CSMD3: variants seen among roughly 807,000 people sequenced by gnomAD.
The protein encoded by CSMD3 is CUB and sushi domain-containing protein 3.
In CSMD3, 177 loss-of-function variants were observed where a neutral mutation model predicts 435.2. The observed-to-expected ratio is 0.41, with a 90% CI of 0.36 to 0.46. CSMD3 has a LOEUF of 0.46. CSMD3 is among the 20% of genes least tolerant of loss of function. The pLI is 0.34. For missense variants in CSMD3, 4,265 were observed against 4,504.6 expected (o/e 0.95, Z 1.52); for synonymous variants, 1,656 against 1,520.5 (o/e 1.09, Z -2.07).
chr8:113,348,247 A>G (rs2094165103), intron 1 of CSMD3, among the ~76,000 whole-genome samples: 1 of 152,118 alleles, frequency 6.6e-6, no homozygotes, highest in South Asian at 2.1e-4. Context: ...TTTGACATGC[A>G]TTGTCTTCAT....
In CSMD3 at chr8:112,998,858, C is replaced by T. The variant is rs112466121; in HGVS notation, c.1030+20209G>A. Among the ~76,000 whole-genome samples, 1,256 of 152,012 alleles carry T rather than the reference C, an allele frequency of 8.3e-3. 30 individuals carry two copies. The highest frequency in any genetic ancestry group is 0.029 in the African/African-American group (1,189 of 41,502). On this transcript the variant is annotated intron_variant, in intron 6 of 70. Transcript: ENST00000297405. Reference sequence around the variant, plus strand: ...TATAGCACCTCCCCACTCTCTTTTTCTCCTGCTCTGGCCATGTAAGACACT... The same window carrying T: ...TATAGCACCTCCCCACTCTCTTTTTTTCCTGCTCTGGCCATGTAAGACACT...
intron 1 of CSMD3, among the ~76,000 whole-genome samples, chr8:113,426,659 G>A (rs1048669561): frequency 6.6e-6 from 1 of 151,348 alleles, no homozygotes; most frequent in Non-Finnish European, 1.5e-5. Flanking sequence ...GGGAAAAGTT[G>A]TTTTGATTAT....
At position 113,202,224 on chromosome 8, in the gene CSMD3, A is replaced by C. The variant is rs78330625; in HGVS notation, c.515-28308T>G. 5.0e-4 allele frequency among the ~76,000 whole-genome samples: 76 copies of C among 152,236 alleles called. 1 individual carries two copies. In the East Asian group the frequency reaches 0.012, roughly 24 times the overall value. On this transcript the variant is annotated intron_variant, in intron 3 of 70. Coordinates refer to ENST00000297405, the MANE Select transcript of CSMD3 (RefSeq NM_198123.2). The stretch of plus-strand genomic sequence containing the variant: ...TTGCACATGTGTTTAATTATATAGC[A>C]GCTCTTGGAAGTGATTATATAAAAT...
intron 10 of CSMD3, among the ~76,000 whole-genome samples, chr8:112,891,284 T>G (rs1474063548): frequency 1.3e-5 from 2 of 151,622 alleles, no homozygotes; most frequent in African/African-American, 4.8e-5. Flanking sequence ...ATTCCCCAAG[T>G]GATAACTCTG....
intron 38 of CSMD3, among the ~76,000 whole-genome samples, chr8:112,372,603 A>C (rs374628703): frequency 2.6e-5 from 4 of 152,238 alleles, no homozygotes; most frequent in African/African-American, 7.2e-5. Context: ...TAATCTTAGC[A>C]CTTTGGGAGG....
chr8:112,708,559 G>C (rs1205970691), intron 13 of CSMD3, among the ~76,000 whole-genome samples: 1 of 151,640 alleles, frequency 6.6e-6, no homozygotes, highest in East Asian at 1.9e-4. Context: ...GTTTGAAGTG[G>C]GAAGTGCAGA....
chr8:112,559,463 A>G (rs1371298083), intron 24 of CSMD3, among the ~76,000 whole-genome samples: 2 of 151,784 alleles, frequency 1.3e-5, no homozygotes, highest in Admixed American at 1.3e-4. Flanking sequence ...GCCCCTGGCC[A>G]CTTCTGTAGA....
intron 30 of CSMD3, among the ~76,000 whole-genome samples, chr8:112,497,156 A>T (rs1821434182): frequency 6.6e-6 from 1 of 151,958 alleles, no homozygotes; most frequent in Admixed American, 6.6e-5. Context: ...GGAGATAAAA[A>T]TTGAAACAAT....
intron 22 of CSMD3, among the ~76,000 whole-genome samples, chr8:112,591,771 G>C (rs1438444514): frequency 6.6e-6 from 1 of 151,922 alleles, no homozygotes; most frequent in African/African-American, 2.4e-5. Flanking sequence ...TGCTCATAGA[G>C]GATCATAGGA....
chr8:112,355,624 G>A (rs1227190717), intron 38 of CSMD3, among the ~76,000 whole-genome samples: 1 of 152,052 alleles, frequency 6.6e-6, no homozygotes, highest in African/African-American at 2.4e-5. Context: ...ACGAGGTTAG[G>A]AGATTGAGAC....
At chr8:112,402,798 A>G (rs1161697117) in intron 35 of CSMD3, among the ~76,000 whole-genome samples, 4 of 152,208 alleles carry the variant, frequency 2.6e-5, no homozygotes, top group Non-Finnish European at 5.9e-5. Context: ...ATTTCAAGCA[A>G]TGTAATTTCC....
At position 112,964,405 on chromosome 8, in the gene CSMD3, G is replaced by C. The variant is rs1275256288; in HGVS notation, c.1343-9644C>G. On this transcript the variant is annotated intron_variant, in intron 7 of 70. Coordinates refer to ENST00000297405, the MANE Select transcript of CSMD3 (RefSeq NM_198123.2). Reference sequence around the variant, plus strand: ...CCCTAAATATGTTTACCTTCATAAGGCACAAAAGCTTTATTAACTGGATTT... The same window carrying C: ...CCCTAAATATGTTTACCTTCATAAGCCACAAAAGCTTTATTAACTGGATTT... Among the ~76,000 whole-genome samples, 3 of 151,658 alleles carry C rather than the reference G, an allele frequency of 2.0e-5. No homozygotes were observed. In the East Asian group the frequency reaches 5.8e-4, roughly 29 times the overall value.
intron 1 of CSMD3, among the ~76,000 whole-genome samples, chr8:113,339,383 T>A (rs949203280): frequency 6.6e-6 from 1 of 151,954 alleles, no homozygotes; most frequent in African/African-American, 2.4e-5. Context: ...AGGTATCAAA[T>A]ATGCTGCCAA....
chr8:112,687,970 C>G lies in CSMD3; in HGVS notation c.2155+1898G>C, dbSNP rs1586971397. Among the ~76,000 whole-genome samples the G allele has an allele frequency of 2.6e-5, 4 of 152,208 alleles. No individual in the cohort carries two copies. The South Asian group carries it at 8.3e-4, about 32-fold the overall frequency. On this transcript the variant is annotated intron_variant, in intron 14 of 70. Transcript: ENST00000297405. ...ATAATTTGATCCTATAACTCCTGAT[C>G]TAAATTAAGGGTCGGAAATCTTTTT...
Position 113,410,378 on chromosome 8 carries a change from G to C in CSMD3, c.178+26299C>G, listed in dbSNP as rs563621316. ...TATTCTACTGAGACAGCTCATTAAAGAGTTATTTATCCAGGACCAAAATCC... is the reference window on the plus strand; with the variant it reads ...TATTCTACTGAGACAGCTCATTAAACAGTTATTTATCCAGGACCAAAATCC... On this transcript the variant is annotated intron_variant, in intron 1 of 70. Coordinates refer to ENST00000297405, the MANE Select transcript of CSMD3 (RefSeq NM_198123.2). Among the ~76,000 whole-genome samples, 4 of 152,184 alleles carry C rather than the reference G, an allele frequency of 2.6e-5. No individual in the cohort carries two copies. In the South Asian group the frequency reaches 8.3e-4, roughly 32 times the overall value.
At chr8:112,446,878 T>C (rs1385423065) in intron 32 of CSMD3, among the ~76,000 whole-genome samples, 4 of 152,184 alleles carry the variant, frequency 2.6e-5, no homozygotes, top group South Asian at 2.1e-4. Context: ...TGACATTCCC[T>C]TGGGCTAGTT....
At chr8:112,896,965 GC>G (rs1428645576) in intron 10 of CSMD3, among the ~76,000 whole-genome samples, 1 of 151,204 alleles carries the variant, frequency 6.6e-6, no homozygotes, top group Non-Finnish European at 1.5e-5. Context: ...ACCTCCTCTG[GC>G]TTTCTAATTT....
chr8:112,301,041 A>G (rs1820874101), intron 53 of CSMD3, among the ~76,000 whole-genome samples: 1 of 152,158 alleles, frequency 6.6e-6, no homozygotes, highest in Non-Finnish European at 1.5e-5. Flanking sequence ...TAATCATTAG[A>G]AAAATTTTCA....
chr8:113,278,847 T>G, intron 2 of CSMD3, 143 bp from the exon 3 acceptor site: 1 of 608,270 alleles, frequency 1.6e-6, no homozygotes, highest in Non-Finnish European at 3.0e-6. Context: ...AGCCAACACC[T>G]TGATTTCAGC....
Sources: allele counts gnomAD v4.1 joint callset (sites outside exome capture counted in the v4.1 genomes callset), GRCh38; gene constraint gnomAD v4.1.1; transcripts MANE v1.5; gene names NCBI Gene and HGNC (gene_info 2026-07-23, HGNC 2026-07-21).